Variants in RAPGEF1 observed in about 807,000 individuals in gnomAD.
RAPGEF1 encodes the protein CRK SH3-binding GNRP.
A neutral mutation model predicts 143.3 loss-of-function variants in RAPGEF1; 33 were observed. That is an observed-to-expected ratio of 0.23 (90% CI 0.17 to 0.31). The LOEUF (loss-of-function observed/expected upper bound fraction) is 0.31. Ranked by LOEUF, RAPGEF1 falls within the 10% of genes least tolerant of loss-of-function variation. The pLI, the probability that RAPGEF1 is intolerant of heterozygous loss-of-function variation, is 1.00. For synonymous variants in RAPGEF1, 629 were observed against 676.5 expected, an observed-to-expected ratio of 0.93 and a Z score of 1.09; for missense variants, 1,199 against 1,645.4, an observed-to-expected ratio of 0.73 and a Z score of 4.69.
intron 1 of RAPGEF1, 105 bp from the exon 2 acceptor site, chr9:131,651,054 T>G (rs1309922977): frequency 1.6e-5 from 22 of 1,366,518 alleles, no homozygotes; most frequent in Non-Finnish European, 2.1e-5. Flanking sequence ...TCTTTTTTCT[T>G]GGCTGTTGAG....
At chr9:131,689,675 A>AGTAG (rs1833634139) in intron 1 of RAPGEF1, among the ~76,000 whole-genome samples, 1 of 152,046 alleles carries the variant, frequency 6.6e-6, no homozygotes, top group Non-Finnish European at 1.5e-5. Flanking sequence ...AGTAGCTGGG[A>AGTAG]CTACAGGTGC....
intron 22 of RAPGEF1, among the ~76,000 whole-genome samples, chr9:131,585,256 C>T (rs1952518625): frequency 6.6e-6 from 1 of 152,188 alleles, no homozygotes; most frequent in Admixed American, 6.5e-5. Context: ...GTATATCTCA[C>T]TGTAGTCTTG....
chr9:131,642,199 T>G (rs1968210915), intron 4 of RAPGEF1, among the ~76,000 whole-genome samples: 1 of 152,164 alleles, frequency 6.6e-6, no homozygotes, highest in Admixed American at 6.5e-5. Flanking sequence ...AAGAGGAAAA[T>G]GTACTCCAGC....
At chr9:131,649,867 C>T (rs1028215528) in intron 3 of RAPGEF1, among the ~76,000 whole-genome samples, 1 of 152,118 alleles carries the variant, frequency 6.6e-6, no homozygotes, top group African/African-American at 2.4e-5. Context: ...CCCGTTGGAC[C>T]CAAGCAGCAC....
At chr9:131,614,609 G>A (rs1321927907) in intron 12 of RAPGEF1, among the ~76,000 whole-genome samples, 1 of 152,246 alleles carries the variant, frequency 6.6e-6, no homozygotes, top group African/African-American at 2.4e-5. Flanking sequence ...GGTCCCGAGG[G>A]GCTGGGCCTG....
intron 4 of RAPGEF1, among the ~76,000 whole-genome samples, chr9:131,642,423 C>T (rs1346615568): frequency 6.6e-6 from 1 of 152,254 alleles, no homozygotes; most frequent in African/African-American, 2.4e-5. Context: ...CAGAAACTTA[C>T]AGGCATCTTT....
At position 131,579,656 on chromosome 9, in the gene RAPGEF1, G is replaced by A; in HGVS notation, c.3642-9C>T. The A allele has an allele frequency of 6.2e-7, 1 of 1,613,172 alleles. No homozygotes were observed. Among genetic ancestry groups the A allele is most frequent in the Non-Finnish European group, 8.5e-7 (1 of 1,179,422 alleles). The stretch of plus-strand genomic sequence containing the variant: ...TCCGCATGTCATAGTGCCTGGTGCA[G>A]GGGATGGGGAGCAGTCAGTGAGCAC... On this transcript the variant is annotated splice_polypyrimidine_tract_variant and intron_variant, in intron 26 of 26. Coordinates refer to ENST00000683357, the MANE Select transcript of RAPGEF1 (RefSeq NM_001377935.1).
At position 131,626,519 on chromosome 9, in the gene RAPGEF1, T is replaced by C. The variant is rs528469341; in HGVS notation, c.1202-97A>G. On this transcript the variant is annotated intron_variant, in intron 9 of 26. Transcript: ENST00000683357. ...CGCCTCTCGCCGGCTCGCTCATGGG[T>C]GTGTGACAAAGACCTGTCTCCAGGG... 93 of 1,274,704 alleles carry C rather than the reference T, an allele frequency of 7.3e-5. 1 individual carries two copies. In the South Asian group the frequency reaches 1.4e-3, roughly 19 times the overall value. The allele number at this position is 1,274,704 out of a possible 1,614,324, so 79.0% of individuals were successfully genotyped here. A position where few individuals can be genotyped will look rare whatever the true frequency, so the allele number is the denominator to read the frequency against.
At chr9:131,724,464 G>A (rs1387019709) in intron 1 of RAPGEF1, among the ~76,000 whole-genome samples, 7 of 152,096 alleles carry the variant, frequency 4.6e-5, no homozygotes, top group African/African-American at 1.4e-4. Flanking sequence ...GCGTGGTGGC[G>A]GGCGCCTGTA....
chr9:131,579,626 G>A lies in RAPGEF1; in HGVS notation c.3663C>T (p.Asn1221=), dbSNP rs35134889. Residue 1221 remains asparagine (N), a synonymous_variant, in exon 27 of 27, where the codon AAC becomes AAT. Coordinates refer to ENST00000683357, the MANE Select transcript of RAPGEF1 (RefSeq NM_001377935.1). ...FQQAHYDMRR[N]DDIINFFNDF... is the part of the protein sequence containing the mutation. ...CATTGAAGAAGTTTATAATGTCGTC[G>A]TTCCTCCGCATGTCATAGTGCCTGG... is the stretch of plus-strand genomic sequence containing the variant. 1.5e-3 allele frequency: 2,449 copies of A among 1,613,972 alleles called. 32 individuals carry two copies. In the African/African-American group the frequency reaches 0.028, roughly 19 times the overall value.
Position 131,578,468 on chromosome 9 carries a change from G to C in RAPGEF1, c.*1029C>G, listed in dbSNP as rs530577082. 6.6e-6 allele frequency: 1 copy of C among 152,388 alleles called. No individual in the cohort carries two copies. Among genetic ancestry groups the C allele is most frequent in the Admixed American group, 6.5e-5 (1 of 15,298 alleles). The allele number at this position is 152,388 out of a possible 1,614,324, so 9.4% of individuals were successfully genotyped here. A position where few individuals can be genotyped will look rare whatever the true frequency, so the allele number is the denominator to read the frequency against. ...CCTCCCAGGGGCACTGACAGCACTGGCTGAAAGGTCTGAAGAGCCAGAGGA... is the reference window on the plus strand; with the variant it reads ...CCTCCCAGGGGCACTGACAGCACTGCCTGAAAGGTCTGAAGAGCCAGAGGA... On this transcript the variant is annotated 3_prime_UTR_variant, in exon 27 of 27. Transcript: ENST00000683357.
intron 25 of RAPGEF1, 44 bp from the exon 26 acceptor site, chr9:131,580,435 G>A: frequency 6.3e-7 from 1 of 1,598,628 alleles, no homozygotes; most frequent in African/African-American, 1.3e-5. Context: ...ACGGGGTTTG[G>A]AAGCAGCAAG....
chr9:131,675,608 A>T lies in RAPGEF1; in HGVS notation c.62-24659T>A, dbSNP rs553055479. On this transcript the variant is annotated intron_variant, in intron 1 of 26. Coordinates refer to ENST00000683357, the MANE Select transcript of RAPGEF1 (RefSeq NM_001377935.1). The surrounding 1 kb of genome is among the most constrained non-coding windows in gnomAD (Gnocchi z 4.6). ...CCATGTCTTACAGCAAATTGCCACAAGGCAAAATCCAAAGTAAGCACACAC... is the reference window on the plus strand; with the variant it reads ...CCATGTCTTACAGCAAATTGCCACATGGCAAAATCCAAAGTAAGCACACAC... 1.3e-5 allele frequency among the ~76,000 whole-genome samples: 2 copies of T among 152,374 alleles called. No homozygotes were observed. Among genetic ancestry groups the T allele is most frequent in the African/African-American group, 4.8e-5 (2 of 41,592 alleles).
At chr9:131,674,276 G>T (rs1037543521) in intron 1 of RAPGEF1, among the ~76,000 whole-genome samples, 6 of 152,144 alleles carry the variant, frequency 3.9e-5, no homozygotes, top group Non-Finnish European at 5.9e-5. Flanking sequence ...AAAATCGGGG[G>T]TGCTTCAAAT....
At chr9:131,702,516 T>C (rs1417933037) in intron 1 of RAPGEF1, among the ~76,000 whole-genome samples, 1 of 152,204 alleles carries the variant, frequency 6.6e-6, no homozygotes, top group Non-Finnish European at 1.5e-5. Context: ...ATCAAAATGG[T>C]GTTTGTAAGT....
intron 3 of RAPGEF1, among the ~76,000 whole-genome samples, chr9:131,643,809 G>A (rs1024242348): frequency 2.6e-5 from 4 of 152,314 alleles, no homozygotes; most frequent in Admixed American, 2.6e-4. Context: ...TCTGTATCCT[G>A]TAAATCACAT....
intron 1 of RAPGEF1, among the ~76,000 whole-genome samples, chr9:131,704,279 A>C (rs1834885738): frequency 6.7e-6 from 1 of 150,092 alleles, no homozygotes; most frequent in African/African-American, 2.5e-5. Flanking sequence ...TTTGCTATCT[A>C]GTGTGCAGAG....
chr9:131,679,069 T>TG (rs961059328), intron 1 of RAPGEF1, among the ~76,000 whole-genome samples: 1 of 143,912 alleles, frequency 6.9e-6, no homozygotes, highest in Non-Finnish European at 1.5e-5. Flanking sequence ...TGACTGGGGG[T>TG]GGGGGGAAAT....
intron 1 of RAPGEF1, among the ~76,000 whole-genome samples, chr9:131,671,158 TA>T (rs1256579795): frequency 6.6e-6 from 1 of 152,112 alleles, no homozygotes; most frequent in Non-Finnish European, 1.5e-5. Flanking sequence ...GAGCAGGAAA[TA>T]GTGATCGTTT....
Sources: gnomAD v4.1 joint callset for allele counts (sites outside exome capture counted in the v4.1 genomes callset) on GRCh38, gnomAD v4.1.1 for gene constraint, Gnocchi (gnomAD v3.1) non-coding constraint, MANE v1.5 for transcripts, NCBI Gene and HGNC (gene_info 2026-07-23, HGNC 2026-07-21) for gene names.